PAK5: variants seen among roughly 807,000 people sequenced by gnomAD.
PAK5 encodes the protein serine/threonine-protein kinase PAK 5.
Under a neutral mutation model 65.9 loss-of-function variants are expected in PAK5, and 16 were observed. The observed-to-expected ratio is 0.24, with a 90% CI of 0.16 to 0.37. The LOEUF (loss-of-function observed/expected upper bound fraction) is 0.37, where lower values mean the gene tolerates loss of function less well. Among genes scored for constraint, PAK5 ranks in the 10% least tolerant of loss-of-function variants. The probability of loss-of-function intolerance (pLI) is 1.00; values close to 1 mark genes in which losing one functional copy is unlikely to be tolerated. For missense variants in PAK5, 785 were observed against 903.9 expected, an observed-to-expected ratio of 0.87 and a Z score of 1.69; for synonymous variants, 371 against 354.9, an observed-to-expected ratio of 1.05 and a Z score of -0.51.
At chr20:9,674,903 C>T (rs981686579) in intron 2 of PAK5, among the ~76,000 whole-genome samples, 1 of 152,182 alleles carries the variant, frequency 6.6e-6, no homozygotes, top group Non-Finnish European at 1.5e-5. Flanking sequence ...GGTGGAGATG[C>T]TTCCATTGGC....
chr20:9,544,775 C>T (rs952166444), intron 7 of PAK5, among the ~76,000 whole-genome samples: 36 of 152,258 alleles, frequency 2.4e-4, no homozygotes, highest in African/African-American at 8.2e-4. Context: ...AAAATCTTTA[C>T]AAATTAAATA....
At chr20:9,820,450 G>C (rs1319182066) in intron 1 of PAK5, among the ~76,000 whole-genome samples, 1 of 152,128 alleles carries the variant, frequency 6.6e-6, no homozygotes, top group African/African-American at 2.4e-5. Context: ...CCTCCTCCAA[G>C]GAGAAATGAA....
chr20:9,802,523 T>G (rs2049181347), intron 1 of PAK5, among the ~76,000 whole-genome samples: 1 of 152,146 alleles, frequency 6.6e-6, no homozygotes, highest in Admixed American at 6.6e-5. Context: ...AGGCATTAAC[T>G]TCTTACATAG....
chr20:9,707,764 T>C (rs1388314896), intron 2 of PAK5, among the ~76,000 whole-genome samples: 1 of 152,134 alleles, frequency 6.6e-6, no homozygotes, highest in Non-Finnish European at 1.5e-5. Flanking sequence ...AGAAGTGAGT[T>C]GCCCTAGCCA....
intron 1 of PAK5, among the ~76,000 whole-genome samples, chr20:9,832,887 T>G (rs1600423998): frequency 6.6e-6 from 1 of 152,180 alleles, no homozygotes; most frequent in East Asian, 1.9e-4. Flanking sequence ...TTTGCAAGAG[T>G]TCCTCAGGGC....
At position 9,644,355 on chromosome 20, in the gene PAK5, G is replaced by A. The variant is rs4816157; in HGVS notation, c.-11-16C>T. The A allele has an allele frequency of 0.94, 1,474,578 of 1,569,608 alleles. 693,118 individuals carry two copies. Among genetic ancestry groups the A allele is most frequent in the East Asian group, 1 (44,505 of 44,542 alleles). On this transcript the variant is annotated splice_polypyrimidine_tract_variant and intron_variant, in intron 2 of 9. Transcript: ENST00000353224. ...ATGCCAAAACCTGGGAAATATAAATGGAAAAGAGGCAGCCATTTATATCTT... is the reference window on the plus strand; with the variant it reads ...ATGCCAAAACCTGGGAAATATAAATAGAAAAGAGGCAGCCATTTATATCTT...
chr20:9,788,542 A>C (rs986574191), intron 1 of PAK5, among the ~76,000 whole-genome samples: 16 of 152,228 alleles, frequency 1.1e-4, no homozygotes, highest in Middle Eastern at 3.4e-3. Context: ...AATCTCTTCT[A>C]TAAAAGGTAT....
intron 1 of PAK5, among the ~76,000 whole-genome samples, chr20:9,808,817 G>C (rs2049263055): frequency 6.6e-6 from 1 of 152,018 alleles, no homozygotes; most frequent in East Asian, 1.9e-4. Flanking sequence ...TGTGGTGATG[G>C]CTGTACAACT....
intron 7 of PAK5, among the ~76,000 whole-genome samples, 172 bp downstream of exon 7, chr20:9,557,436 G>A (rs955877216): frequency 6.6e-6 from 1 of 152,222 alleles, no homozygotes; most frequent in Admixed American, 6.5e-5. Flanking sequence ...CTAACAAGGT[G>A]ACACAGAGGA....
At chr20:9,779,622 G>A (rs1004975133) in intron 1 of PAK5, among the ~76,000 whole-genome samples, 1 of 151,762 alleles carries the variant, frequency 6.6e-6, no homozygotes, top group East Asian at 1.9e-4. Context: ...AGTTGGGGAG[G>A]AAGGGAGATA....
intron 3 of PAK5, among the ~76,000 whole-genome samples, chr20:9,608,957 G>A (rs1223091463): frequency 1.3e-5 from 2 of 152,222 alleles, no homozygotes; most frequent in African/African-American, 4.8e-5. Flanking sequence ...TCAACATGAT[G>A]AAGAATAAAG....
intron 1 of PAK5, among the ~76,000 whole-genome samples, chr20:9,834,720 T>A (rs2123794229): frequency 6.6e-6 from 1 of 152,292 alleles, no homozygotes; most frequent in East Asian, 1.9e-4. Flanking sequence ...GTTATAGTGA[T>A]GATTATGGAC....
At chr20:9,562,241 A>T (rs2045602368) in intron 6 of PAK5, among the ~76,000 whole-genome samples, 1 of 152,146 alleles carries the variant, frequency 6.6e-6, no homozygotes, top group African/African-American at 2.4e-5. Context: ...CTCATCAGTG[A>T]TGTCCCTGAG....
chr20:9,823,564 T>C (rs764731294), intron 1 of PAK5, among the ~76,000 whole-genome samples: 5 of 152,230 alleles, frequency 3.3e-5, no homozygotes, highest in Non-Finnish European at 5.9e-5. Flanking sequence ...CCTTCCGCCA[T>C]GTAAGACGAT....
At chr20:9,597,320 T>C (rs996331089) in intron 3 of PAK5, among the ~76,000 whole-genome samples, 1 of 152,196 alleles carries the variant, frequency 6.6e-6, no homozygotes, top group African/African-American at 2.4e-5. Flanking sequence ...GCTGGCTTGA[T>C]TGAAAAACAA....
chr20:9,553,300 C>T (rs2122935226), intron 7 of PAK5, among the ~76,000 whole-genome samples: 1 of 152,194 alleles, frequency 6.6e-6, no homozygotes, highest in East Asian at 1.9e-4. Flanking sequence ...CTACGGTGGG[C>T]AACTAGAGCT....
rs188745383 is a variant in PAK5 at position 9,641,904 on chromosome 20, C to A, written c.204+2221G>T. On this transcript the variant is annotated intron_variant, in intron 3 of 9. Coordinates refer to ENST00000353224, the MANE Select transcript of PAK5 (RefSeq NM_177990.4). ...CCGAGTGCGGGGCCCACCAAGCCCA[C>A]GCCCACCCGGAACTCCAGCTGGCCC... 2.2e-3 allele frequency among the ~76,000 whole-genome samples: 330 copies of A among 152,300 alleles called. 8 individuals carry two copies. Among genetic ancestry groups the A allele is most frequent in the Admixed American group, 0.021 (326 of 15,308 alleles).
chr20:9,673,309 C>G (rs1354553013), intron 2 of PAK5, among the ~76,000 whole-genome samples: 1 of 152,068 alleles, frequency 6.6e-6, no homozygotes, highest in Non-Finnish European at 1.5e-5. Flanking sequence ...TCTCTCAAAT[C>G]TCTTTCCTTA....
At chr20:9,666,569 A>G (rs1382500198) in intron 2 of PAK5, among the ~76,000 whole-genome samples, 1 of 152,166 alleles carries the variant, frequency 6.6e-6, no homozygotes, top group East Asian at 1.9e-4. Flanking sequence ...TTGCCTGATC[A>G]ATGATACCCA....
Sources: allele counts gnomAD v4.1 joint callset (sites outside exome capture counted in the v4.1 genomes callset), GRCh38; gene constraint gnomAD v4.1.1; transcripts MANE v1.5; gene names NCBI Gene and HGNC (gene_info 2026-07-23, HGNC 2026-07-21).